UBALD2: variants seen among roughly 807,000 people sequenced by gnomAD.
UBALD2 encodes the protein UBA like domain containing 2.
UBALD2 carries 8 observed loss-of-function variants against 15.9 expected under a neutral mutation model. The ratio of observed to expected loss-of-function variants is 0.50; its 90% CI spans 0.29 to 0.91. The LOEUF is 0.91. UBALD2 is among the 40% of genes least tolerant of loss of function. The pLI, the probability that UBALD2 is intolerant of heterozygous loss-of-function variation, is 0.07. For synonymous variants in UBALD2, 113 were observed against 97.7 expected (o/e 1.16, Z -0.93); for missense variants, 178 against 234.8 (o/e 0.76, Z 1.58).
chr17:76,266,895 T>C (rs2070549679), intron 2 of UBALD2, among the ~76,000 whole-genome samples: 1 of 152,130 alleles, frequency 6.6e-6, no homozygotes, highest in African/African-American at 2.4e-5. Context: ...TTTTAACACT[T>C]GGTGCCCTTG....
In UBALD2 at chr17:76,269,103, C is replaced by A. The variant is rs2070567019; in HGVS notation, c.184-1091C>A. Among the ~76,000 whole-genome samples, 5 of 152,086 alleles carry A rather than the reference C, an allele frequency of 3.3e-5. No individual in the cohort carries two copies. The highest frequency in any genetic ancestry group is 3.3e-4 in the Admixed American group (5 of 15,272). ...CAACTCCTGCGCCTGGGGGAGGGGCCAGTGTTGCTAAAATTAGGAGAAATT... is the reference window on the plus strand; with the variant it reads ...CAACTCCTGCGCCTGGGGGAGGGGCAAGTGTTGCTAAAATTAGGAGAAATT... On this transcript the variant is annotated intron_variant, in intron 2 of 2. Coordinates refer to ENST00000327490, the MANE Select transcript of UBALD2 (RefSeq NM_182565.4). This position sits in a 1 kb window ranked among gnomAD's most constrained non-coding sequence, Gnocchi z 4.6.
chr17:76,270,176 C>T lies in UBALD2; in HGVS notation c.184-18C>T. On this transcript the variant is annotated intron_variant, in intron 2 of 2. Transcript: ENST00000327490. ...GACCCCCGAGGCAGCCTCCCCACAC[C>T]CGTGTTCTCTCCCGCAGATGTGCAC... 1 of 1,610,866 alleles carries T rather than the reference C, an allele frequency of 6.2e-7. No individual in the cohort carries two copies. Among genetic ancestry groups the T allele is most frequent in the Non-Finnish European group, 8.5e-7 (1 of 1,179,734 alleles).
Position 76,266,019 on chromosome 17 carries a change from G to T in UBALD2, c.183+50G>T, listed in dbSNP as rs1466468353. On this transcript the variant is annotated intron_variant, in intron 2 of 2. Transcript: ENST00000327490. ...GGGCCGGGGCCGCTGTCAGCGCGGCGGTGACAGCCATGTTGCCGGGGAGCG... is the reference window on the plus strand; with the variant it reads ...GGGCCGGGGCCGCTGTCAGCGCGGCTGTGACAGCCATGTTGCCGGGGAGCG... 7.8e-6 allele frequency: 12 copies of T among 1,534,696 alleles called. No individual in the cohort carries two copies. The South Asian group carries it at 1.4e-4, about 18-fold the overall frequency.
chr17:76,266,111 T>C (rs2143055493), intron 2 of UBALD2, 142 bp downstream of exon 2: 2 of 1,123,782 alleles, frequency 1.8e-6, no homozygotes, highest in Non-Finnish European at 2.5e-6. Context: ...GGGCCGGCGC[T>C]GGCGCCTCCA....
In UBALD2 at chr17:76,265,458, C is replaced by T; in HGVS notation, c.-48C>T. 9.9e-7 allele frequency: 1 copy of T among 1,013,448 alleles called. No homozygotes were observed. Among genetic ancestry groups the T allele is most frequent in the Non-Finnish European group, 1.2e-6 (1 of 849,030 alleles). 62.8% of individuals were successfully genotyped at this position (1,013,448 alleles called of 1,614,324 possible). A position where few individuals can be genotyped will look rare whatever the true frequency, so the allele number is the denominator to read the frequency against. On this transcript the variant is annotated 5_prime_UTR_variant, in exon 1 of 3. Transcript: ENST00000327490. ...CCGGCCTCCCGCGCCCGCGCAGCCC[C>T]GCGTCTGCGTCCGGCCGGAGACGCC...
At chr17:76,267,797 C>T (rs73350356) in intron 2 of UBALD2, among the ~76,000 whole-genome samples, 2,837 of 151,834 alleles carry the variant, frequency 0.019, 96 homozygotes, top group African/African-American at 0.064. Flanking sequence ...ATTACAGGCA[C>T]GTGCCACCTG....
chr17:76,267,490 C>CTTTT (rs55819046), intron 2 of UBALD2, among the ~76,000 whole-genome samples: 5,255 of 114,972 alleles, frequency 0.046, 298 homozygotes, highest in African/African-American at 0.13. Context: ...TTCATGGTTT[C>CTTTT]TTTTTTTTTT....
Position 76,265,541 on chromosome 17 carries a change from C to T in UBALD2, c.36C>T (p.Val12=). The T allele has an allele frequency of 7.5e-7, 1 of 1,329,238 alleles. No homozygotes were observed. Among genetic ancestry groups the T allele is most frequent in the Non-Finnish European group, 9.8e-7 (1 of 1,015,550 alleles). The allele number at this position is 1,329,238 out of a possible 1,614,324, so 82.3% of individuals were successfully genotyped here. The change falls in exon 1 of 3, where the codon GTC becomes GTT. Residue 12 remains valine (V), a synonymous_variant. Coordinates refer to ENST00000327490, the MANE Select transcript of UBALD2 (RefSeq NM_182565.4). ...SVNMDELRHQ[V]MINQFVLAAG... ...ACATGGACGAGCTGCGGCACCAGGT[C>T]ATGATCAACCAGTTCGTGCTGGCCG...
rs1478800981 is a variant in UBALD2, at chr17:76,265,379, G to C, written c.-127G>C. 4 of 906,882 alleles carry C rather than the reference G, an allele frequency of 4.4e-6. No individual in the cohort carries two copies. The highest frequency in any genetic ancestry group is 1.8e-5 in the African/African-American group (1 of 55,194). 56.2% of individuals were successfully genotyped at this position (906,882 alleles called of 1,614,324 possible). On this transcript the variant is annotated 5_prime_UTR_variant, in exon 1 of 3. Transcript: ENST00000327490. ...TTCGCCGGGCGGGCGGCGGCGGAGC[G>C]GGCGGCGGAGCGGCGGCAGCAGCGG... is the stretch of plus-strand genomic sequence containing the variant.
intron 2 of UBALD2, among the ~76,000 whole-genome samples, chr17:76,267,522 T>G (rs1163272916): frequency 2.0e-5 from 3 of 151,018 alleles, no homozygotes; most frequent in Non-Finnish European, 3.0e-5. Context: ...CTAATTTTAT[T>G]TTTGAGAAAG....
chr17:76,270,472 G>T lies in UBALD2; in HGVS notation c.462G>T (p.Gln154His). 1 of 1,474,874 alleles carries T rather than the reference G, an allele frequency of 6.8e-7. No homozygotes were observed. The allele number at this position is 1,474,874 out of a possible 1,614,324, so 91.4% of individuals were successfully genotyped here. ...PPGAQQGGAQ[Q>H]KAMAAMDGQR ...GAGCACAGCAGGGGGGCGCCCAGCA[G>T]AAAGCCATGGCGGCCATGGACGGCC... Residue 154 changes from glutamine (Q) to histidine (H), a missense_variant, in exon 3 of 3, where the codon CAG becomes CAT. Gln to His is a conservative substitution (Grantham distance 24, BLOSUM62 0). Transcript: ENST00000327490.
intron 2 of UBALD2, 95 bp downstream of exon 2, chr17:76,266,064 A>T: frequency 7.0e-7 from 1 of 1,429,834 alleles, no homozygotes; most frequent in South Asian, 1.2e-5. Flanking sequence ...GAATGTAAAC[A>T]AAGAGCCAAA....
At chr17:76,267,667 C>CTTTTTT (rs771340875) in intron 2 of UBALD2, among the ~76,000 whole-genome samples, 20 of 132,566 alleles carry the variant, frequency 1.5e-4, no homozygotes, top group African/African-American at 5.6e-4. Context: ...AATTTCTTTT[C>CTTTTTT]TTTTTTTTTT....
intron 2 of UBALD2, 66 bp downstream of exon 2, chr17:76,266,035 C>A (rs918876081): frequency 6.7e-6 from 10 of 1,489,058 alleles, no homozygotes; most frequent in Non-Finnish European, 9.1e-6. Flanking sequence ...AGCCATGTTG[C>A]CGGGGAGCGC....
chr17:76,266,769 C>G (rs367989254), intron 2 of UBALD2, among the ~76,000 whole-genome samples: 1 of 152,112 alleles, frequency 6.6e-6, no homozygotes, highest in African/African-American at 2.4e-5. Context: ...CTGTACCCTA[C>G]CCCCCTAGTT....
rs751602179 is a variant in UBALD2, at chr17:76,269,648, G to A, written c.184-546G>A. Among the ~76,000 whole-genome samples, 1 of 152,224 alleles carries A rather than the reference G, an allele frequency of 6.6e-6. No individual in the cohort carries two copies. The highest frequency in any genetic ancestry group is 2.4e-5 in the African/African-American group (1 of 41,450). On this transcript the variant is annotated intron_variant, in intron 2 of 2. Transcript: ENST00000327490. This position sits in a 1 kb window ranked among gnomAD's most constrained non-coding sequence, Gnocchi z 4.6. ...GAGAGGATAATTGAAGCCACTAAGT[G>A]TCATTGTTAAGGGAGGCAAAGCCTT...
intron 2 of UBALD2, among the ~76,000 whole-genome samples, chr17:76,267,667 CTT>C (rs771340875): frequency 1.8e-4 from 24 of 132,490 alleles, no homozygotes; most frequent in Non-Finnish European, 2.1e-4. Flanking sequence ...AATTTCTTTT[CTT>C]TTTTTTTTTT....
intron 2 of UBALD2, among the ~76,000 whole-genome samples, chr17:76,266,683 C>T (rs1229499492): frequency 1.3e-5 from 2 of 152,172 alleles, no homozygotes; most frequent in Non-Finnish European, 2.9e-5. Context: ...CTTTCTTTTT[C>T]ATTCTAGCCC....
At position 76,265,589 on chromosome 17, in the gene UBALD2, G is replaced by A; in HGVS notation, c.84G>A (p.Ala28=). Residue 28 remains alanine, a synonymous_variant, in exon 1 of 3, where the codon GCG becomes GCA. Coordinates refer to ENST00000327490, the MANE Select transcript of UBALD2 (RefSeq NM_182565.4). ...CCGCGGGCTGCGCGGCCGACCAGGC[G>A]AAGCAGTTGCTGCAGGCGGCCCACT... ...VLAAGCAADQ[A]KQLLQAAHWQ... is the part of the protein sequence containing the mutation. 7.5e-7 allele frequency: 1 copy of A among 1,336,052 alleles called. No homozygotes were observed. Among genetic ancestry groups the A allele is most frequent in the Non-Finnish European group, 9.8e-7 (1 of 1,019,976 alleles). 82.8% of individuals were successfully genotyped at this position (1,336,052 alleles called of 1,614,324 possible).
Sources: gnomAD v4.1 joint callset for allele counts (sites outside exome capture counted in the v4.1 genomes callset) on GRCh38, gnomAD v4.1.1 for gene constraint, Gnocchi (gnomAD v3.1) non-coding constraint, MANE v1.5 for transcripts, NCBI Gene and HGNC (gene_info 2026-07-23, HGNC 2026-07-21) for gene names.